CSMD1: variants seen among roughly 807,000 people sequenced by gnomAD.
CSMD1 encodes CUB and Sushi multiple domains 1.
Under a neutral mutation model 417.5 loss-of-function variants are expected in CSMD1, and 213 were observed. That is an observed-to-expected ratio of 0.51 (90% CI 0.46 to 0.57). The LOEUF (loss-of-function observed/expected upper bound fraction) is 0.57. CSMD1 is among the 20% of genes least tolerant of loss of function. The pLI, the probability that CSMD1 is intolerant of heterozygous loss-of-function variation, is 0.00. For missense variants in CSMD1, 6,923 were observed against 4,529.7 expected (o/e 1.53, Z -15.17); for synonymous variants, 2,862 against 1,736.8 (o/e 1.65, Z -16.11).
Position 3,182,720 on chromosome 8 carries a change from G to A in CSMD1, c.5621-1506C>T, listed in dbSNP as rs1276064105. Among the ~76,000 whole-genome samples, 15 of 126,164 alleles carry A rather than the reference G, an allele frequency of 1.2e-4. 1 individual carries two copies. In the Admixed American group the frequency reaches 1.2e-3, roughly 10 times the overall value. The allele number at this position is 126,164 out of a possible 152,430, so 82.8% of individuals were successfully genotyped here. ...ATGTGTGTGTATTGTTAGTAGAGAA[G>A]GACTCTGGCTGTCTCTTTATAAGAA... is the stretch of plus-strand genomic sequence containing the variant. On this transcript the variant is annotated intron_variant, in intron 36 of 69. Transcript: ENST00000635120.
At chr8:3,787,523 T>G (rs1249278076) in intron 5 of CSMD1, among the ~76,000 whole-genome samples, 1 of 152,092 alleles carries the variant, frequency 6.6e-6, no homozygotes, top group Non-Finnish European at 1.5e-5. Flanking sequence ...TAACAGCAAT[T>G]AAGAAAATAT....
chr8:4,749,369 T>G (rs911258375), intron 1 of CSMD1, among the ~76,000 whole-genome samples: 2 of 152,258 alleles, frequency 1.3e-5, no homozygotes, highest in African/African-American at 4.8e-5. Flanking sequence ...TTCAGCATAG[T>G]TGCTAAGCGG....
chr8:4,146,558 C>G (rs1030923373), intron 3 of CSMD1, among the ~76,000 whole-genome samples: 1 of 136,906 alleles, frequency 7.3e-6, no homozygotes, highest in Non-Finnish European at 1.5e-5. Context: ...GGGAAGGAAG[C>G]TCCATTATTA....
At chr8:4,359,741 T>A (rs1801643428) in intron 3 of CSMD1, among the ~76,000 whole-genome samples, 1 of 152,224 alleles carries the variant, frequency 6.6e-6, no homozygotes, top group South Asian at 2.1e-4. Flanking sequence ...CTGGCCCACT[T>A]CTACATTCAT....
intron 3 of CSMD1, among the ~76,000 whole-genome samples, chr8:4,154,686 A>T (rs1478421637): frequency 6.6e-6 from 1 of 152,240 alleles, no homozygotes; most frequent in Admixed American, 6.5e-5. Context: ...GAGAATTCTC[A>T]TTAAAAACGT....
intron 3 of CSMD1, among the ~76,000 whole-genome samples, chr8:4,272,547 A>C (rs1386915518): frequency 1.3e-5 from 2 of 152,198 alleles, no homozygotes; most frequent in Admixed American, 6.5e-5. Flanking sequence ...GATTTGCTTC[A>C]AACTTGTAAT....
At position 4,994,557 on chromosome 8, in the gene CSMD1, C is replaced by A; in HGVS notation, c.-141G>T. 1 of 730,960 alleles carries A rather than the reference C, an allele frequency of 1.4e-6. No homozygotes were observed. The highest frequency in any genetic ancestry group is 1.7e-5 in the South Asian group (1 of 58,488). The allele number at this position is 730,960 out of a possible 1,614,324, so 45.3% of individuals were successfully genotyped here. On this transcript the variant is annotated 5_prime_UTR_variant, in exon 1 of 70. The change creates a new upstream start codon in the 5' untranslated region. Coordinates refer to ENST00000635120, the MANE Select transcript of CSMD1 (RefSeq NM_033225.6). ...CCAAGACCCGCCGCGCATCCGACGCCTCCTGAAGGTCTGGGCGCCCGGCTC... is the reference window on the plus strand; with the variant it reads ...CCAAGACCCGCCGCGCATCCGACGCATCCTGAAGGTCTGGGCGCCCGGCTC...
At chr8:3,095,845 TA>T (rs1191337272) in intron 47 of CSMD1, among the ~76,000 whole-genome samples, 1 of 152,206 alleles carries the variant, frequency 6.6e-6, no homozygotes, top group Non-Finnish European at 1.5e-5. Flanking sequence ...ATATTACTTT[TA>T]ATCATATCAC....
intron 2 of CSMD1, among the ~76,000 whole-genome samples, chr8:4,437,746 C>T (rs1165787703): frequency 6.6e-6 from 1 of 151,962 alleles, no homozygotes; most frequent in Non-Finnish European, 1.5e-5. Context: ...CAATGAGTTC[C>T]ATGTTTGTGG....
chr8:2,989,917 A>T (rs758035124), intron 54 of CSMD1, among the ~76,000 whole-genome samples: 1 of 152,198 alleles, frequency 6.6e-6, no homozygotes, highest in African/African-American at 2.4e-5. Flanking sequence ...TAAAGACACG[A>T]ATAATTGTAT....
intron 5 of CSMD1, among the ~76,000 whole-genome samples, chr8:3,799,616 C>T (rs548950829): frequency 5.1e-4 from 77 of 151,502 alleles, no homozygotes; most frequent in Non-Finnish European, 9.6e-4. Flanking sequence ...AAAGAAAGAC[C>T]CCATTTGGCT....
At chr8:4,542,108 G>A (rs1323090249) in intron 2 of CSMD1, among the ~76,000 whole-genome samples, 2 of 151,962 alleles carry the variant, frequency 1.3e-5, no homozygotes, top group African/African-American at 2.4e-5. Flanking sequence ...CTCATTTCTG[G>A]ACAATGAACT....
At chr8:4,498,371 T>C (rs1016712186) in intron 2 of CSMD1, among the ~76,000 whole-genome samples, 6 of 152,216 alleles carry the variant, frequency 3.9e-5, no homozygotes, top group African/African-American at 7.2e-5. Context: ...TAATCTTATA[T>C]AGCATGTGCA....
intron 5 of CSMD1, among the ~76,000 whole-genome samples, chr8:3,975,082 T>C (rs1474819184): frequency 2.0e-5 from 3 of 152,190 alleles, no homozygotes; most frequent in Admixed American, 6.5e-5. Flanking sequence ...GTTTATTTCT[T>C]AACGTTAAAA....
At chr8:3,450,432 G>C (rs565602716) in intron 12 of CSMD1, among the ~76,000 whole-genome samples, 2 of 151,958 alleles carry the variant, frequency 1.3e-5, no homozygotes, top group South Asian at 2.1e-4. Context: ...TTTAGCATTA[G>C]GTATATCTCC....
intron 2 of CSMD1, among the ~76,000 whole-genome samples, chr8:4,440,983 T>G (rs1191595466): frequency 6.8e-6 from 1 of 146,184 alleles, no homozygotes; most frequent in Non-Finnish European, 1.5e-5. Context: ...GATGACACAG[T>G]GAGACTCTAT....
intron 8 of CSMD1, among the ~76,000 whole-genome samples, chr8:3,594,537 T>A (rs1801003988): frequency 6.6e-6 from 1 of 152,196 alleles, no homozygotes; most frequent in Non-Finnish European, 1.5e-5. Context: ...AGGAATGTTT[T>A]TCAAAGGTTA....
intron 5 of CSMD1, among the ~76,000 whole-genome samples, chr8:3,923,514 T>C (rs982892822): frequency 9.2e-5 from 14 of 152,304 alleles, no homozygotes; most frequent in Middle Eastern, 6.8e-3. Flanking sequence ...GTGTGTCTTT[T>C]ATTCTCACCT....
intron 1 of CSMD1, among the ~76,000 whole-genome samples, chr8:4,834,977 A>AAAAAAAAAAAAG (rs1385745588): frequency 1.9e-4 from 6 of 32,234 alleles, no homozygotes; most frequent in African/African-American, 3.2e-4. Flanking sequence ...AAAAAAAAAA[A>AAAAAAAAAAAAG]AAAGAAAGAA....
Sources: gnomAD v4.1 joint callset for allele counts (sites outside exome capture counted in the v4.1 genomes callset) on GRCh38, gnomAD v4.1.1 for gene constraint, MANE v1.5 for transcripts, NCBI Gene and HGNC (gene_info 2026-07-23, HGNC 2026-07-21) for gene names.